The following GOLGA8M variants were observed in gnomAD, a reference collection of about 807,000 sequenced individuals.
The protein encoded by GOLGA8M is golgin A8 family member M, also known as golgin subfamily A member 8M.
GOLGA8M carries 34 observed loss-of-function variants against 87.7 expected under a neutral mutation model. The observed-to-expected ratio is 0.39, with a 90% CI of 0.29 to 0.52. The LOEUF (loss-of-function observed/expected upper bound fraction) is 0.52, where lower values mean the gene tolerates loss of function less well. Among genes scored for constraint, GOLGA8M ranks in the 20% least tolerant of loss-of-function variants. The pLI is 0.80. For missense variants in GOLGA8M, 396 were observed against 682.2 expected (o/e 0.58, Z 4.67); for synonymous variants, 138 against 250.2 (o/e 0.55, Z 4.23).
At chr15:28,703,184 G>A in intron 15 of GOLGA8M, 135 bp downstream of exon 15, 1 of 904,474 alleles carries the variant, frequency 1.1e-6, no homozygotes, top group South Asian at 1.5e-5. Context: ...CAGGTGAAAT[G>A]GTGTCTGACC....
At chr15:28,712,023 C>A (rs1349421384) in intron 1 of GOLGA8M, 1 of 984,866 alleles carries the variant, frequency 1.0e-6, no homozygotes, top group African/African-American at 1.8e-5. Flanking sequence ...AGATGAGGGC[C>A]CAGTAACGGA....
rs575280437 is a variant in GOLGA8M at position 28,701,699 on chromosome 15, A to C, written c.*255T>G. 2.0e-5 allele frequency among the ~76,000 whole-genome samples: 3 copies of C among 152,252 alleles called. No homozygotes were observed. In the East Asian group the frequency reaches 5.8e-4, roughly 29 times the overall value. On this transcript the variant is annotated 3_prime_UTR_variant, in exon 19 of 19. Coordinates refer to ENST00000563027, the MANE Select transcript of GOLGA8M (RefSeq NM_001282468.3). ...CCACGTAAGGGCAAACTCGATATGC[A>C]TGCTAATGACCTACAATTATGAAAT...
At position 28,701,555 on chromosome 15, in the gene GOLGA8M, G is replaced by A. The variant is rs560669966; in HGVS notation, c.*399C>T. On this transcript the variant is annotated 3_prime_UTR_variant, in exon 19 of 19. Transcript: ENST00000563027. ...CAACAGCAGAACATAGGCAAATTTTGTCTGAATTCTGTAGTGAATATACAT... is the reference window on the plus strand; with the variant it reads ...CAACAGCAGAACATAGGCAAATTTTATCTGAATTCTGTAGTGAATATACAT... Among the ~76,000 whole-genome samples the A allele has an allele frequency of 0.023, 3,429 of 150,870 alleles. 144 individuals are homozygous for A. Among genetic ancestry groups the A allele is most frequent in the African/African-American group, 0.08 (3,266 of 40,816 alleles).
rs932468507 is a variant in GOLGA8M at position 28,701,436 on chromosome 15, A to G, written c.*518T>C. Among the ~76,000 whole-genome samples the G allele has an allele frequency of 5.3e-5, 8 of 151,900 alleles. No homozygotes were observed. The highest frequency in any genetic ancestry group is 4.6e-4 in the Admixed American group (7 of 15,222). ...AACAACTCTAAATGTCAGTACTCAT[A>G]GTGGCATATTACAAAGTAATAAACA... On this transcript the variant is annotated 3_prime_UTR_variant, in exon 19 of 19. Coordinates refer to ENST00000563027, the MANE Select transcript of GOLGA8M (RefSeq NM_001282468.3).
rs1293231408 is a variant in GOLGA8M at position 28,707,227 on chromosome 15, A to C, written c.591+521T>G. 3.7e-5 allele frequency among the ~76,000 whole-genome samples: 5 copies of C among 134,676 alleles called. 2 individuals are homozygous for C. The highest frequency in any genetic ancestry group is 2.4e-4 in the South Asian group (1 of 4,246). The allele number at this position is 134,676 out of a possible 152,430, so 88.4% of individuals were successfully genotyped here. On this transcript the variant is annotated intron_variant, in intron 8 of 18. Transcript: ENST00000563027. Reference sequence around the variant, plus strand: ...AATTAATCTTTTGTTCACTTTTTGAAAGGATGATACATTTGCATAGTCCAA... The same window carrying C: ...AATTAATCTTTTGTTCACTTTTTGACAGGATGATACATTTGCATAGTCCAA...
chr15:28,712,047 G>A (rs1351006822), intron 1 of GOLGA8M: 3 of 984,924 alleles, frequency 3.0e-6, no homozygotes, highest in Admixed American at 6.1e-5. Context: ...GGAAGCCCCA[G>A]GAGTCACCCA....
At position 28,702,163 on chromosome 15, in the gene GOLGA8M, G is replaced by C; in HGVS notation, c.1724-34C>G. On this transcript the variant is annotated intron_variant, in intron 18 of 18. Coordinates refer to ENST00000563027, the MANE Select transcript of GOLGA8M (RefSeq NM_001282468.3). ...AGAGGGAGGCAGGGATCTGAGCACA[G>C]TGGGAGCCCCCTCTTCCTGCCTGCC... The C allele has an allele frequency of 2.8e-5, 44 of 1,577,754 alleles. 4 individuals carry two copies. The highest frequency in any genetic ancestry group is 3.8e-5 in the Non-Finnish European group (44 of 1,171,076).
chr15:28,712,717 G>A (rs1389772296), upstream of GOLGA8M, among the ~76,000 whole-genome samples: 1 of 152,198 alleles, frequency 6.6e-6, no homozygotes, highest in Non-Finnish European at 1.5e-5. Flanking sequence ...ATATATGTGT[G>A]TCCGTGTGTG....
intron 8 of GOLGA8M, 32 bp downstream of exon 8, chr15:28,707,716 T>G (rs1257193990): frequency 6.5e-7 from 1 of 1,541,464 alleles, no homozygotes; most frequent in Non-Finnish European, 8.7e-7. Context: ...AAAGCCAGAC[T>G]CCCAGGGGAT....
Position 28,707,000 on chromosome 15 carries a change from C to T in GOLGA8M, c.592-301G>A, listed in dbSNP as rs1462549197. Among the ~76,000 whole-genome samples, 2 of 141,820 alleles carry T rather than the reference C, an allele frequency of 1.4e-5. 1 individual carries two copies. The highest frequency in any genetic ancestry group is 5.4e-5 in the African/African-American group (2 of 36,798). 93.0% of individuals were successfully genotyped at this position (141,820 alleles called of 152,430 possible). On this transcript the variant is annotated intron_variant, in intron 8 of 18. Transcript: ENST00000563027. ...AATGCTTCACCAGATACCATGCTAA[C>T]AATCCCATTTAATCCTCGCAACCAC... is the stretch of plus-strand genomic sequence containing the variant.
intron 13 of GOLGA8M, 164 bp downstream of exon 13, chr15:28,704,995 A>G (rs2140920700): frequency 8.7e-7 from 1 of 1,144,444 alleles, no homozygotes; most frequent in Admixed American, 2.0e-5. Context: ...ACCCACCTTT[A>G]AAAGTCAGAG....
rs774237652 is a variant in GOLGA8M, at chr15:28,702,694, T to C, written c.1420A>G (p.Lys474Glu). The change falls in exon 16 of 19, where the codon AAG becomes GAG. Residue 474 changes from lysine to glutamate, a missense_variant. Around this residue, in one of 12 missense-constraint regions of GOLGA8M, gnomAD observed 173 missense variants for 150.2 expected, o/e 1.15. Coordinates refer to ENST00000563027, the MANE Select transcript of GOLGA8M (RefSeq NM_001282468.3). ...TGAATGAAGCGAAGTTCTTGTTTCT[T>C]CACAAGCTCACTCAGGTCTGCCTTC... ...EEKADLSELV[K>E]KQELRFIQYW... 4.0e-5 allele frequency: 64 copies of C among 1,604,440 alleles called. No homozygotes were observed. Among genetic ancestry groups the C allele is most frequent in the Middle Eastern group, 1.7e-4 (1 of 5,794 alleles).
Position 28,700,735 on chromosome 15 carries a change from T to A in GOLGA8M, c.*1219A>T, listed in dbSNP as rs2079765828. Among the ~76,000 whole-genome samples, 3 of 152,078 alleles carry A rather than the reference T, an allele frequency of 2.0e-5. No individual in the cohort carries two copies. The highest frequency in any genetic ancestry group is 6.6e-5 in the Admixed American group (1 of 15,260). On this transcript the variant is annotated 3_prime_UTR_variant, in exon 19 of 19. Transcript: ENST00000563027. ...TGTTTTCCATTCAAGGAAAAAGAAGTAAATTCCTATGTCAGAGTAACCAAG... is the reference window on the plus strand; with the variant it reads ...TGTTTTCCATTCAAGGAAAAAGAAGAAAATTCCTATGTCAGAGTAACCAAG...
chr15:28,702,417 T>TCACACCCACCCCCACCCC (rs2079821685), intron 17 of GOLGA8M, 48 bp from the exon 18 acceptor site: 1 of 918,918 alleles, frequency 1.1e-6, no homozygotes, highest in Non-Finnish European at 1.5e-6. Flanking sequence ...GCGCCCACCC[T>TCACACCCACCCCCACCCC]CACACCCACC....
At chr15:28,704,242 C>A (rs2079933857) in intron 13 of GOLGA8M, among the ~76,000 whole-genome samples, 1 of 148,868 alleles carries the variant, frequency 6.7e-6, no homozygotes, top group South Asian at 2.1e-4. Flanking sequence ...CTCTTCAGCT[C>A]CACCTGCAGG....
upstream of GOLGA8M, among the ~76,000 whole-genome samples, chr15:28,712,933 A>G (rs2080233399): frequency 6.6e-6 from 1 of 151,414 alleles, no homozygotes; most frequent in Non-Finnish European, 1.5e-5. Flanking sequence ...TTCTAATAAG[A>G]TAAAATAATC....
At chr15:28,708,068 A>G (rs1043332728) in intron 6 of GOLGA8M, 31 bp from the exon 7 acceptor site, 9 of 1,607,164 alleles carry the variant, frequency 5.6e-6, no homozygotes, top group Admixed American at 3.5e-5. Flanking sequence ...AAGTGCTGAA[A>G]GAGAAGGAAA....
chr15:28,702,234 C>T lies in GOLGA8M; in HGVS notation c.1703G>A (p.Gly568Glu), dbSNP rs761926754. Residue 568 changes from glycine to glutamate, a missense_variant, in exon 18 of 19, where the codon GGG (glycine) becomes GAG (glutamate). Physicochemically the swap from Gly to Glu is moderately conservative, Grantham distance 98. This residue lies in a region of GOLGA8M where 173 missense variants were observed against 150.2 expected (regional missense o/e 1.15). Transcript: ENST00000563027. ...CTCACCACCATGCTTGTCTGCAGCCCCAAGCTCCTGGGGAGCTGGGGCTCC... is the reference window on the plus strand; with the variant it reads ...CTCACCACCATGCTTGTCTGCAGCCTCAAGCTCCTGGGGAGCTGGGGCTCC... ...GPGAPAPQEL[G>E]AADKHGDLCE... 1.0e-5 allele frequency: 16 copies of T among 1,588,180 alleles called. No individual in the cohort carries two copies. The highest frequency in any genetic ancestry group is 1.4e-5 in the Non-Finnish European group (16 of 1,174,714).
At position 28,707,293 on chromosome 15, in the gene GOLGA8M, T is replaced by C. The variant is rs1171120979; in HGVS notation, c.591+455A>G. Among the ~76,000 whole-genome samples the C allele has an allele frequency of 3.7e-5, 5 of 136,914 alleles. 1 individual carries two copies. The highest frequency in any genetic ancestry group is 1.5e-4 in the African/African-American group (5 of 34,096). 89.8% of individuals were successfully genotyped at this position (136,914 alleles called of 152,430 possible). A position where few individuals can be genotyped will look rare whatever the true frequency, so the allele number is the denominator to read the frequency against. On this transcript the variant is annotated intron_variant, in intron 8 of 18. Transcript: ENST00000563027. ...GAAGGGAAGTATCTCCCGGCCATCT[T>C]GTTGCTCTCTCCTGAATTTTTTATG...
Sources: gnomAD v4.1 joint callset for allele counts (sites outside exome capture counted in the v4.1 genomes callset) on GRCh38, gnomAD v4.1.1 for gene constraint, gnomAD v4.1.1 regional missense constraint, MANE v1.5 for transcripts, NCBI Gene and HGNC (gene_info 2026-07-23, HGNC 2026-07-21) for gene names.